The following ITGA2B variants were observed in gnomAD, a reference collection of about 807,000 sequenced individuals.
ITGA2B encodes the protein integrin alpha-IIb.
A neutral mutation model predicts 142.0 loss-of-function variants in ITGA2B; 91 were observed. The observed-to-expected ratio is 0.64, with a 90% CI of 0.54 to 0.76. ITGA2B has a LOEUF of 0.76. Among genes scored for constraint, ITGA2B ranks in the 30% least tolerant of loss-of-function variants. The pLI, the probability that ITGA2B is intolerant of heterozygous loss-of-function variation, is 0.00. For synonymous variants in ITGA2B, 536 were observed against 567.2 expected (o/e 0.94, Z 0.78); for missense variants, 1,231 against 1,350.8 (o/e 0.91, Z 1.39).
chr17:44,385,242 C>T (rs2048634621), intron 5 of ITGA2B, 33 bp from the exon 6 acceptor site: 1 of 1,613,896 alleles, frequency 6.2e-7, no homozygotes, highest in Non-Finnish European at 8.5e-7. Context: ...GAGAGGGGGC[C>T]CTGTTTGGGA....
intron 29 of ITGA2B, among the ~76,000 whole-genome samples, chr17:44,373,123 G>A (rs111281168): frequency 6.6e-5 from 10 of 151,546 alleles, no homozygotes; most frequent in East Asian, 1.9e-4. Context: ...GTGATCCACC[G>A]CGCCTGGTCC....
rs2048527684 is a variant in ITGA2B, at chr17:44,375,028, C to A, written c.2811G>T (p.Leu937=). Residue 937 remains leucine, a synonymous_variant, in exon 27 of 30, where the codon CTG becomes CTT. Coordinates refer to ENST00000262407, the MANE Select transcript of ITGA2B (RefSeq NM_000419.5). ...AGAGGCTGGGCAGCCACAGGAAGGC[C>A]AGCACCGTGACCATGGCCCGCTGCC... ...ARGQRAMVTV[L]AFLWLPSLYQ... is the part of the protein sequence containing the mutation. 6 of 1,544,512 alleles carry A rather than the reference C, an allele frequency of 3.9e-6. No homozygotes were observed. Among genetic ancestry groups the A allele is most frequent in the Non-Finnish European group, 4.4e-6 (5 of 1,146,876 alleles).
At chr17:44,379,655 T>C (rs1567901408) in intron 18 of ITGA2B, 34 bp downstream of exon 18, 1 of 1,613,764 alleles carries the variant, frequency 6.2e-7, no homozygotes, top group Non-Finnish European at 8.5e-7. Context: ...TCAGGGGTCC[T>C]GCACCTCCCT....
At chr17:44,375,315 C>A in intron 26 of ITGA2B, 1 of 647,292 alleles carries the variant, frequency 1.5e-6, no homozygotes, top group Non-Finnish European at 2.8e-6. Context: ...CAGGGAGGGT[C>A]ATCCCCCAGC....
chr17:44,385,472 C>A (rs1331978974), intron 4 of ITGA2B, 79 bp downstream of exon 4: 94 of 1,462,024 alleles, frequency 6.4e-5, no homozygotes, highest in Admixed American at 8.2e-5. Flanking sequence ...GCAAGGGCTG[C>A]GGCGCTGGGG....
intron 19 of ITGA2B, 49 bp downstream of exon 19, chr17:44,378,594 A>ATGAT: frequency 6.3e-7 from 1 of 1,590,402 alleles, no homozygotes; most frequent in East Asian, 2.3e-5. Context: ...TGGAGCAGGT[A>ATGAT]TGATAGGCAG....
In ITGA2B at chr17:44,375,595, A is replaced by C. The variant is rs764624698; in HGVS notation, c.2723T>G (p.Leu908Arg). The stretch of plus-strand genomic sequence containing the variant: ...GAGACCAGAGAGCCTGCTCACTACG[A>C]GAACTGGATCCTGAAGCCTCGAGGG... ...EQPSRLQDPV[L>R]VSCDSAPCTV... is the part of the protein sequence containing the mutation. The change falls in exon 26 of 30, where the codon CTC (leucine) becomes CGC (arginine). Residue 908 changes from leucine to arginine, a missense_variant. By Grantham distance (102) the Leu-to-Arg change is moderately radical. This residue lies in a region of ITGA2B where 908 missense variants were observed against 1,021.1 expected (regional missense o/e 0.89). Transcript: ENST00000262407. 2.5e-6 allele frequency: 4 copies of C among 1,613,882 alleles called. No homozygotes were observed. The African/African-American group carries it at 5.3e-5, about 22-fold the overall frequency.
At chr17:44,384,643 G>C in intron 7 of ITGA2B, 58 bp from the exon 8 acceptor site, 1 of 1,584,140 alleles carries the variant, frequency 6.3e-7, no homozygotes, top group Non-Finnish European at 8.7e-7. Context: ...AGGGGACGGA[G>C]GGCAAAGAAG....
intron 29 of ITGA2B, among the ~76,000 whole-genome samples, chr17:44,373,371 C>G (rs1423572530): frequency 6.6e-6 from 1 of 152,038 alleles, no homozygotes; most frequent in African/African-American, 2.4e-5. Context: ...CTCCTGACCT[C>G]ATGAACCGCC....
Position 44,385,223 on chromosome 17 carries a change from C to T in ITGA2B, c.625-14G>A, listed in dbSNP as rs2048634328. 18 of 1,613,860 alleles carry T rather than the reference C, an allele frequency of 1.1e-5. No individual in the cohort carries two copies. Among genetic ancestry groups the T allele is most frequent in the Non-Finnish European group, 1.5e-5 (18 of 1,180,018 alleles). On this transcript the variant is annotated splice_polypyrimidine_tract_variant and intron_variant, in intron 5 of 29. Coordinates refer to ENST00000262407, the MANE Select transcript of ITGA2B (RefSeq NM_000419.5). ...CAGCTCTCCGGCCTGGAAGGGAAGT[C>T]CTGAGGGTGAGAGGGGGCCCTGTTT...
intron 1 of ITGA2B, among the ~76,000 whole-genome samples, chr17:44,386,388 AT>A (rs1344746883): frequency 6.6e-6 from 1 of 152,198 alleles, no homozygotes; most frequent in Non-Finnish European, 1.5e-5. Flanking sequence ...ATTTGGTTTG[AT>A]TTGAACACCA....
chr17:44,389,417 C>A lies in ITGA2B; in HGVS notation c.57G>T (p.Leu19=). Residue 19 remains leucine (L), a synonymous_variant, in exon 1 of 30, where the codon CTG becomes CTT. Transcript: ENST00000262407. ...GAGGGGCAGCACAAGGTCCCAAGAG[C>A]AGCAGCACCCACTCCAGAAGCCAGA... ...QALWLLEWVL[L]LLGPCAAPPA... 6.2e-7 allele frequency: 1 copy of A among 1,614,204 alleles called. No individual in the cohort carries two copies. The highest frequency in any genetic ancestry group is 8.5e-7 in the Non-Finnish European group (1 of 1,180,042).
chr17:44,379,564 G>GT (rs371119455), intron 18 of ITGA2B, 125 bp downstream of exon 18: 131 of 1,488,398 alleles, frequency 8.8e-5, no homozygotes, highest in Non-Finnish European at 1.2e-4. Flanking sequence ...GGATTTTGAG[G>GT]TTTTCATTAG....
In ITGA2B at chr17:44,385,880, AG is replaced by A; in HGVS notation, c.351del (p.Phe118SerfsTer30). On this transcript the variant is annotated frameshift_variant, in exon 3 of 30. Coordinates refer to ENST00000262407, the MANE Select transcript of ITGA2B (RefSeq NM_000419.5). Reference protein sequence around the residue: ...TRNVGSQTLQTFKARQGLGAS... With the variant: ...TRNVGSQTLQXFKARQGLGAS... ...GCCCCCAGTCCTTGGCGGGCCTTGA[AG>A]GTTTGTAAAGTTTGGGAGCCTACAT... is the stretch of plus-strand genomic sequence containing the variant. 6.2e-7 allele frequency: 1 copy of A among 1,608,976 alleles called. No individual in the cohort carries two copies. The highest frequency in any genetic ancestry group is 8.5e-7 in the Non-Finnish European group (1 of 1,177,406).
Position 44,375,952 on chromosome 17 carries a change from G to T in ITGA2B, c.2482C>A (p.Leu828Ile). The T allele has an allele frequency of 6.2e-7, 1 of 1,614,106 alleles. No homozygotes were observed. The highest frequency in any genetic ancestry group is 8.5e-7 in the Non-Finnish European group (1 of 1,180,014). The change falls in exon 25 of 30, where the codon CTT (leucine) becomes ATT (isoleucine). Residue 828 changes from leucine to isoleucine, a missense_variant. Transcript: ENST00000262407. ...HNNGPGTVNG[L>I]HLSIHLPGQS... ...CCCGGAAGGTGGATGCTGAGGTGAAGACCATTCACAGTCCCAGGGCCATTG... is the reference window on the plus strand; with the variant it reads ...CCCGGAAGGTGGATGCTGAGGTGAATACCATTCACAGTCCCAGGGCCATTG...
At chr17:44,381,115 G>T in intron 12 of ITGA2B, 54 bp from the exon 13 acceptor site, 1 of 1,564,794 alleles carries the variant, frequency 6.4e-7, no homozygotes, top group South Asian at 1.1e-5. Flanking sequence ...CTCCCTAGAT[G>T]ACTGTAAAAC....
intron 1 of ITGA2B, 122 bp from the exon 2 acceptor site, chr17:44,386,253 A>G (rs868491507): frequency 9.9e-6 from 14 of 1,413,176 alleles, no homozygotes; most frequent in South Asian, 3.7e-5. Flanking sequence ...TCTTTCCTCA[A>G]TGACACCTCA....
In ITGA2B at chr17:44,378,325, C is replaced by T. The variant is rs778594876; in HGVS notation, c.2094+37G>A. 4.4e-6 allele frequency: 7 copies of T among 1,591,108 alleles called. No homozygotes were observed. In the African/African-American group the frequency reaches 6.7e-5, roughly 15 times the overall value. On this transcript the variant is annotated intron_variant, in intron 20 of 29. Coordinates refer to ENST00000262407, the MANE Select transcript of ITGA2B (RefSeq NM_000419.5). ...AGAGAGCCAAGGCTCCAGTGCCTCCCAGGTCCCGGGTACTGTTCCCAGGGT... is the reference window on the plus strand; with the variant it reads ...AGAGAGCCAAGGCTCCAGTGCCTCCTAGGTCCCGGGTACTGTTCCCAGGGT...
In ITGA2B at chr17:44,380,355, C is replaced by T. The variant is rs372309103; in HGVS notation, c.1544+31G>A. The T allele has an allele frequency of 5.5e-4, 889 of 1,614,126 alleles. 16 individuals are homozygous for T. In the South Asian group the frequency reaches 9.2e-3, roughly 17 times the overall value. On this transcript the variant is annotated intron_variant, in intron 15 of 29. Coordinates refer to ENST00000262407, the MANE Select transcript of ITGA2B (RefSeq NM_000419.5). Reference sequence around the variant, plus strand: ...TTGGAGCCTTTCTGAGGTCCCAGATCCTTTAAGGCCCATGCCCTCTGCCTC... The same window carrying T: ...TTGGAGCCTTTCTGAGGTCCCAGATTCTTTAAGGCCCATGCCCTCTGCCTC...
Sources: allele counts gnomAD v4.1 joint callset (sites outside exome capture counted in the v4.1 genomes callset), GRCh38; gene constraint gnomAD v4.1.1; regional missense constraint gnomAD v4.1.1; transcripts MANE v1.5; gene names NCBI Gene and HGNC (gene_info 2026-07-23, HGNC 2026-07-21).